The following COCH variants were observed in gnomAD, a reference collection of about 807,000 sequenced individuals.
COCH encodes the protein coagulation factor C homolog, cochlin (Limulus polyphemus).
COCH carries 40 observed loss-of-function variants against 54.8 expected under a neutral mutation model. The observed-to-expected ratio is 0.73, with a 90% CI of 0.57 to 0.95. COCH has a LOEUF of 0.95. Among genes scored for constraint, COCH ranks in the 40% least tolerant of loss-of-function variants. COCH has a pLI of 0.00. For missense variants in COCH, 605 were observed against 675.0 expected, an observed-to-expected ratio of 0.90 and a Z score of 1.15; for synonymous variants, 256 against 237.9, an observed-to-expected ratio of 1.08 and a Z score of -0.70.
chr14:30,887,509 T>C (rs1895831673), intron 11 of COCH, among the ~76,000 whole-genome samples: 2 of 152,182 alleles, frequency 1.3e-5, no homozygotes, highest in Admixed American at 6.5e-5. Context: ...ACCCCAGCCT[T>C]AATATTACTT....
rs1383640651 is a variant in COCH, at chr14:30,889,885, T to C, written c.*94T>C. The C allele has an allele frequency of 1.3e-6, 2 of 1,489,646 alleles. No individual in the cohort carries two copies. Among genetic ancestry groups the C allele is most frequent in the Non-Finnish European group, 1.8e-6 (2 of 1,120,286 alleles). 92.3% of individuals were successfully genotyped at this position (1,489,646 alleles called of 1,614,324 possible). ...ACTGAAATGCTTTAGCATACTAGAA[T>C]CAGATACAAAACTATTAAGTATGTC... On this transcript the variant is annotated 3_prime_UTR_variant, in exon 12 of 12. Transcript: ENST00000396618.
chr14:30,879,039 A>C lies in COCH; in HGVS notation c.373+95A>C, dbSNP rs146400722. On this transcript the variant is annotated intron_variant, in intron 5 of 11. Transcript: ENST00000396618. ...TCAGCCTCTTTAACCTTGATGGAAA[A>C]ACCTGTGATCAAGACTAAAGCTGAC... 239 of 1,529,196 alleles carry C rather than the reference A, an allele frequency of 1.6e-4. No individual in the cohort carries two copies. In the African/African-American group the frequency reaches 2.9e-3, roughly 18 times the overall value. 94.7% of individuals were successfully genotyped at this position (1,529,196 alleles called of 1,614,324 possible). A position where few individuals can be genotyped will look rare whatever the true frequency, so the allele number is the denominator to read the frequency against.
intron 8 of COCH, among the ~76,000 whole-genome samples, chr14:30,883,656 A>G (rs1266998898): frequency 2.6e-5 from 4 of 152,206 alleles, no homozygotes; most frequent in Non-Finnish European, 5.9e-5. Flanking sequence ...GCTACTGATA[A>G]TGCTAAGATC....
chr14:30,894,081 A>T (rs1896064104), downstream of COCH: 1 of 152,630 alleles, frequency 6.6e-6, no homozygotes, highest in Non-Finnish European at 1.5e-5. Context: ...TTATTGTCTT[A>T]ATCATGCATT....
downstream of COCH, among the ~76,000 whole-genome samples, chr14:30,891,614 G>C (rs981289681): frequency 6.6e-6 from 1 of 152,054 alleles, no homozygotes; most frequent in East Asian, 1.9e-4. Context: ...ATAAAAACTG[G>C]GTTTAGCATA....
At chr14:30,892,966 CG>C (rs1249748423), downstream of COCH, among the ~76,000 whole-genome samples, 2 of 152,124 alleles carry the variant, frequency 1.3e-5, no homozygotes, top group African/African-American at 2.4e-5. Flanking sequence ...GAATTTCACA[CG>C]TAAGTTTTCT....
At chr14:30,886,633 A>G (rs576205052) in intron 11 of COCH, among the ~76,000 whole-genome samples, 143 of 152,336 alleles carry the variant, frequency 9.4e-4, no homozygotes, top group Non-Finnish European at 1.5e-3. Flanking sequence ...TACATATACA[A>G]TTAAGGTGCT....
At chr14:30,892,172 A>G (rs1895998071), downstream of COCH, among the ~76,000 whole-genome samples, 1 of 151,126 alleles carries the variant, frequency 6.6e-6, no homozygotes. Context: ...AAAATAAGAC[A>G]TTATTTTTGC....
chr14:30,891,661 CAGCT>C (rs1391619504), downstream of COCH, among the ~76,000 whole-genome samples: 1 of 152,192 alleles, frequency 6.6e-6, no homozygotes, highest in Non-Finnish European at 1.5e-5. Context: ...CAAAAACTCT[CAGCT>C]AGGAGTACAA....
rs1895392659 is a variant in COCH, at chr14:30,877,219, G to A, written c.83-353G>A. The A allele has an allele frequency of 3.6e-6, 1 of 274,704 alleles. No homozygotes were observed. The highest frequency in any genetic ancestry group is 7.0e-6 in the Non-Finnish European group (1 of 142,664). The allele number at this position is 274,704 out of a possible 1,614,324, so 17.0% of individuals were successfully genotyped here. On this transcript the variant is annotated intron_variant, in intron 3 of 11. Coordinates refer to ENST00000396618, the MANE Select transcript of COCH (RefSeq NM_004086.3). The surrounding 1 kb of genome is among the most constrained non-coding windows in gnomAD (Gnocchi z 8.6). ...GTTAAGAACTGAGAAGCCAGGCACA[G>A]TGGCACACCTGTAATCCCAGCTACT...
Position 30,877,612 on chromosome 14 carries a change from C to G in COCH, c.123C>G (p.Ile41Met), listed in dbSNP as rs755579907. The change falls in exon 4 of 12, where the codon ATC becomes ATG. Residue 41 changes from isoleucine to methionine, a missense_variant. Physicochemically the swap from Ile to Met is conservative, Grantham distance 10. Coordinates refer to ENST00000396618, the MANE Select transcript of COCH (RefSeq NM_004086.3). The surrounding 1 kb of genome is among the most constrained non-coding windows in gnomAD (Gnocchi z 8.6). ...AITCFTRGLD[I>M]RKEKADVLCP... ...CATGTTTTACCAGAGGCTTGGACAT[C>G]AGGAAAGAGAAAGCAGATGTCCTCT... The G allele has an allele frequency of 3.1e-6, 5 of 1,614,094 alleles. No homozygotes were observed. Among genetic ancestry groups the G allele is most frequent in the Non-Finnish European group, 4.2e-6 (5 of 1,180,046 alleles).
At chr14:30,874,624 A>C in intron 1 of COCH, 33 bp downstream of exon 1, 4 of 516,652 alleles carry the variant, frequency 7.7e-6, no homozygotes, top group East Asian at 3.5e-5. Context: ...CGCGGGTGCG[A>C]GGGATCCCTG....
chr14:30,893,132 A>G (rs920200807), downstream of COCH, among the ~76,000 whole-genome samples: 13 of 143,792 alleles, frequency 9.0e-5, no homozygotes, highest in Non-Finnish European at 1.9e-4. Flanking sequence ...CCACAATTAC[A>G]AACGGCAAAA....
chr14:30,889,323 G>A lies in COCH; in HGVS notation c.1478-293G>A, dbSNP rs28969556. 10,162 of 368,332 alleles carry A rather than the reference G, an allele frequency of 0.028. 228 individuals carry two copies. The highest frequency in any genetic ancestry group is 0.035 in the South Asian group (1,398 of 40,426). 22.8% of individuals were successfully genotyped at this position (368,332 alleles called of 1,614,324 possible). A position where few individuals can be genotyped will look rare whatever the true frequency, so the allele number is the denominator to read the frequency against. ...CTTCTTCTATTCCTAGTTTATAGGT[G>A]TGTTCTGTCATTAATGGATATTGAA... On this transcript the variant is annotated intron_variant, in intron 11 of 11. Coordinates refer to ENST00000396618, the MANE Select transcript of COCH (RefSeq NM_004086.3).
At position 30,879,448 on chromosome 14, in the gene COCH, C is replaced by T; in HGVS notation, c.399C>T (p.Ala133=). 1 of 1,613,960 alleles carries T rather than the reference C, an allele frequency of 6.2e-7. No individual in the cohort carries two copies. The highest frequency in any genetic ancestry group is 1.3e-5 in the African/African-American group (1 of 74,986). Residue 133 remains alanine (A), a synonymous_variant, in exon 6 of 12, where the codon GCC becomes GCT. Transcript: ENST00000396618. ...VTKGKSSTQE[A]TGQAVSTAHP... ...AAGGCAAAAGTAGTACACAGGAGGC[C>T]ACAGGACAAGCAGTGTCCACAGCAC... is the stretch of plus-strand genomic sequence containing the variant.
rs1490045447 is a variant in COCH, at chr14:30,889,777, G to GA, written c.1641dup (p.Ser548IlefsTer9). ...CAGAGGCATTTGTAGAGATTTCTTA[G>GA]AATCCCAGCAATAATGGTAACATTT... On this transcript the variant is annotated frameshift_variant, in exon 12 of 12. Transcript: ENST00000396618. LOFTEE classifies it high-confidence loss of function. 6.2e-7 allele frequency: 1 copy of GA among 1,609,584 alleles called. No homozygotes were observed. Among genetic ancestry groups the GA allele is most frequent in the Admixed American group, 1.7e-5 (1 of 59,906 alleles).
intron 8 of COCH, among the ~76,000 whole-genome samples, chr14:30,882,036 C>T (rs992962940): frequency 6.1e-5 from 9 of 146,650 alleles, no homozygotes; most frequent in Admixed American, 3.4e-4. Flanking sequence ...AGAATATGCT[C>T]ATTATAGAAA....
downstream of COCH, among the ~76,000 whole-genome samples, chr14:30,892,710 G>A (rs1471069745): frequency 3.3e-5 from 5 of 152,018 alleles, no homozygotes; most frequent in Non-Finnish European, 7.4e-5. Flanking sequence ...GGGAGGCTGA[G>A]GCACAAGAAT....
chr14:30,894,917 A>G (rs1382638933), downstream of COCH: 11 of 1,107,080 alleles, frequency 9.9e-6, no homozygotes, highest in Admixed American at 3.5e-5. Context: ...TTAAAGCAAA[A>G]TAAGTTTAAA....
Sources: allele counts gnomAD v4.1 joint callset (sites outside exome capture counted in the v4.1 genomes callset), GRCh38; gene constraint gnomAD v4.1.1; non-coding constraint Gnocchi (gnomAD v3.1); transcripts MANE v1.5; gene names NCBI Gene and HGNC (gene_info 2026-07-23, HGNC 2026-07-21).